The following UPRT variants were observed in gnomAD, a reference collection of about 807,000 sequenced individuals.
UPRT encodes the protein uracil phosphoribosyltransferase homolog.
Under a neutral mutation model 22.6 loss-of-function variants are expected in UPRT, and 5 were observed. That is an observed-to-expected ratio of 0.22 (90% CI 0.12 to 0.47). UPRT has a LOEUF of 0.47. UPRT is among the 20% of genes least tolerant of loss of function. The pLI is 0.99. For missense variants in UPRT, 181 were observed against 239.9 expected, an observed-to-expected ratio of 0.75 and a Z score of 1.62; for synonymous variants, 77 against 87.7, an observed-to-expected ratio of 0.88 and a Z score of 0.68.
At chrX:75,172,953 C>T (rs1292968132) in intron 4 of UPRT, among the ~76,000 whole-genome samples, 1 of 111,372 alleles carries the variant, frequency 9.0e-6, no homozygotes, top group Admixed American at 9.5e-5. Context: ...GCGGGTTGCA[C>T]TGCTGGCTCG....
At chrX:75,190,784 T>G (rs1274913726) in intron 4 of UPRT, among the ~76,000 whole-genome samples, 1 of 112,328 alleles carries the variant, frequency 8.9e-6, no homozygotes, top group Non-Finnish European at 1.9e-5. Context: ...TACTGAAGCT[T>G]GTGCGTTCAT....
intron 6 of UPRT, among the ~76,000 whole-genome samples, chrX:75,302,627 C>G (rs887897697): frequency 9.0e-6 from 1 of 111,399 alleles, no homozygotes; most frequent in Admixed American, 9.6e-5. Context: ...TTATATATTA[C>G]ATCCTTTGAA....
chrX:75,284,528 G>C (rs941484052), intron 1 of UPRT, among the ~76,000 whole-genome samples: 2 of 111,558 alleles, frequency 1.8e-5, no homozygotes, highest in Admixed American at 1.9e-4. Context: ...CTATGGATGT[G>C]GCTTCCTGTG....
chrX:75,183,796 T>C (rs1353516005), intron 4 of UPRT, among the ~76,000 whole-genome samples: 2 of 112,431 alleles, frequency 1.8e-5, no homozygotes, highest in Non-Finnish European at 3.8e-5. Flanking sequence ...TTTTTTCATG[T>C]GTCTGTTGGC....
At chrX:75,285,272 C>T (rs2082675357) in intron 1 of UPRT, among the ~76,000 whole-genome samples, 2 of 111,648 alleles carry the variant, frequency 1.8e-5, no homozygotes, top group Non-Finnish European at 3.8e-5. Context: ...GGAGTCTGCA[C>T]ACTGGATTTG....
At chrX:75,241,707 A>T (rs2082489159) in intron 4 of UPRT, among the ~76,000 whole-genome samples, 1 of 111,807 alleles carries the variant, frequency 8.9e-6, no homozygotes, top group African/African-American at 3.2e-5. Flanking sequence ...GATAAAGAAA[A>T]CGTGCATATA....
chrX:75,172,581 T>A (rs1016379163), intron 4 of UPRT, among the ~76,000 whole-genome samples: 1 of 111,950 alleles, frequency 8.9e-6, no homozygotes, highest in African/African-American at 3.3e-5. Flanking sequence ...ACTTCAAGAA[T>A]GAAGCCACGG....
intron 4 of UPRT, among the ~76,000 whole-genome samples, chrX:75,230,728 G>T (rs1008190728): frequency 9.0e-6 from 1 of 111,677 alleles, no homozygotes; most frequent in African/African-American, 3.3e-5. Context: ...ACTGGAGCAG[G>T]TCCTAGTATC....
At chrX:75,283,904 A>T (rs1022969895) in intron 1 of UPRT, among the ~76,000 whole-genome samples, 1 of 111,807 alleles carries the variant, frequency 8.9e-6, no homozygotes, top group African/African-American at 3.3e-5. Flanking sequence ...AGCTTTTAGA[A>T]TTCTCTTCTT....
chrX:75,248,662 C>A (rs1303506781), intron 4 of UPRT, among the ~76,000 whole-genome samples: 4 of 111,791 alleles, frequency 3.6e-5, no homozygotes, highest in Non-Finnish European at 7.5e-5. Flanking sequence ...AGAACTTCCC[C>A]AATCTAGCAA....
In UPRT at chrX:75,296,427, A is replaced by T. The variant is rs200518862; in HGVS notation, c.499+16A>T. ...ACTCCAACAGGTAACTAGGGCTGTT[A>T]TTCTCAAATTTTCCTCATAAAAATT... On this transcript the variant is annotated intron_variant, in intron 3 of 6. Transcript: ENST00000373383. 1.7e-5 allele frequency: 20 copies of T among 1,192,134 alleles called. No homozygotes were observed. The South Asian group carries it at 3.4e-4, about 20-fold the overall frequency.
At chrX:75,245,438 T>G (rs2082501775) in intron 4 of UPRT, among the ~76,000 whole-genome samples, 1 of 110,294 alleles carries the variant, frequency 9.1e-6, no homozygotes, top group African/African-American at 3.2e-5. Flanking sequence ...ATCCCATTAC[T>G]GGGTATATAC....
intron 1 of UPRT, among the ~76,000 whole-genome samples, chrX:75,158,808 C>A (rs1052833577): frequency 9.0e-6 from 1 of 111,256 alleles, no homozygotes; most frequent in Non-Finnish European, 1.9e-5. Flanking sequence ...ACAAATGTCA[C>A]CTGCTTAGAG....
At chrX:75,240,270 A>G (rs1401841583) in intron 4 of UPRT, among the ~76,000 whole-genome samples, 1 of 111,075 alleles carries the variant, frequency 9.0e-6, no homozygotes, top group East Asian at 2.9e-4. Context: ...AAATTAATGC[A>G]CTCAAATCAG....
At position 75,187,511 on chromosome X, in the gene UPRT, T is replaced by G. The variant is rs151332048; in HGVS notation, c.-447+19632T>G. ...TGACCTTTATGTGTCTTGGAGTTGC[T>G]CTTCTCGAGGAGTATCTTTGTGGCA... is the stretch of plus-strand genomic sequence containing the variant. On this transcript the variant is annotated intron_variant, in intron 4 of 13. Coordinates refer to the UPRT transcript ENST00000652605. Among the ~76,000 whole-genome samples, 556 of 111,395 alleles carry G rather than the reference T, an allele frequency of 5.0e-3. 4 individuals carry two copies. Among genetic ancestry groups the G allele is most frequent in the African/African-American group, 0.017 (533 of 30,579 alleles).
chrX:75,267,132 T>C (rs1420911745), intron 4 of UPRT, among the ~76,000 whole-genome samples: 1 of 111,835 alleles, frequency 8.9e-6, no homozygotes, highest in Non-Finnish European at 1.9e-5. Flanking sequence ...TAAAGACACA[T>C]GCGCATGTAT....
chrX:75,216,408 AC>A (rs1273114405), intron 4 of UPRT, among the ~76,000 whole-genome samples: 1 of 112,529 alleles, frequency 8.9e-6, no homozygotes, highest in African/African-American at 3.2e-5. Flanking sequence ...CATCATACTT[AC>A]CAGTGAGAAA....
At chrX:75,252,425 A>T (rs2082534161) in intron 4 of UPRT, among the ~76,000 whole-genome samples, 1 of 112,839 alleles carries the variant, frequency 8.9e-6, no homozygotes, top group Admixed American at 9.3e-5. Flanking sequence ...TATGCAGCCA[A>T]AAAACACATG....
At chrX:75,286,821 G>C (rs1256471774) in intron 1 of UPRT, among the ~76,000 whole-genome samples, 1 of 111,625 alleles carries the variant, frequency 9.0e-6, no homozygotes, top group African/African-American at 3.3e-5. Flanking sequence ...CTTGGAATTG[G>C]AGAGCTCCAG....
Sources: gnomAD v4.1 joint callset for allele counts (sites outside exome capture counted in the v4.1 genomes callset) on GRCh38, gnomAD v4.1.1 for gene constraint, MANE v1.5 for transcripts, NCBI Gene and HGNC (gene_info 2026-07-23, HGNC 2026-07-21) for gene names.